The following TRIP12 variants were observed in gnomAD, a reference collection of about 807,000 sequenced individuals.
TRIP12 encodes E3 ubiquitin-protein ligase TRIP12.
Under a neutral mutation model 244.2 loss-of-function variants are expected in TRIP12, and 25 were observed. The observed-to-expected ratio is 0.10, with a 90% CI of 0.07 to 0.14. TRIP12 has a LOEUF of 0.14. TRIP12 is among the 10% of genes least tolerant of loss of function. The pLI, the probability that TRIP12 is intolerant of heterozygous loss-of-function variation, is 1.00. For missense variants in TRIP12, 1,677 were observed against 2,486.4 expected, an observed-to-expected ratio of 0.67 and a Z score of 6.92; for synonymous variants, 905 against 873.1, an observed-to-expected ratio of 1.04 and a Z score of -0.64.
At chr2:229,784,818 TG>T (rs1349476159) in intron 34 of TRIP12, among the ~76,000 whole-genome samples, 2 of 152,242 alleles carry the variant, frequency 1.3e-5, no homozygotes, top group African/African-American at 4.8e-5. Context: ...TATACGTTAC[TG>T]GTGGGAATGT....
rs2032109231 is a variant in TRIP12, at chr2:229,767,346, C to T, written c.*208G>A. On this transcript the variant is annotated 3_prime_UTR_variant, in exon 42 of 42. Coordinates refer to ENST00000675903, the MANE Select transcript of TRIP12 (RefSeq NM_001348323.3). Reference sequence around the variant, plus strand: ...AAACAAGAACTTGCTAAAGAAACCTCATCACAACAACGTTTTAGGGCCTGA... The same window carrying T: ...AAACAAGAACTTGCTAAAGAAACCTTATCACAACAACGTTTTAGGGCCTGA... The T allele has an allele frequency of 2.3e-5, 10 of 433,194 alleles. No homozygotes were observed. The highest frequency in any genetic ancestry group is 2.2e-4 in the Admixed American group (5 of 23,192). 26.8% of individuals were successfully genotyped at this position (433,194 alleles called of 1,614,324 possible). A position where few individuals can be genotyped will look rare whatever the true frequency, so the allele number is the denominator to read the frequency against.
At chr2:229,842,615 T>TA (rs967167282) in intron 4 of TRIP12, among the ~76,000 whole-genome samples, 8 of 152,026 alleles carry the variant, frequency 5.3e-5, no homozygotes, top group African/African-American at 1.7e-4. Flanking sequence ...ACAAAGCACT[T>TA]AAAAAAAACC....
rs1179839707 is a variant in TRIP12, at chr2:229,829,100, A to G, written c.1450+93T>C. The G allele has an allele frequency of 4.2e-6, 5 of 1,187,592 alleles. No homozygotes were observed. In the African/African-American group the frequency reaches 7.7e-5, roughly 18 times the overall value. The allele number at this position is 1,187,592 out of a possible 1,614,324, so 73.6% of individuals were successfully genotyped here. On this transcript the variant is annotated intron_variant, in intron 8 of 41. Coordinates refer to ENST00000675903, the MANE Select transcript of TRIP12 (RefSeq NM_001348323.3). The stretch of plus-strand genomic sequence containing the variant: ...TTTAAAAATGGGTTAAAGTTGATGA[A>G]AAACTTCTTAATACTTACATCAATA...
At chr2:229,837,162 T>G (rs1485911881) in intron 5 of TRIP12, among the ~76,000 whole-genome samples, 178 bp from the exon 6 acceptor site, 1 of 152,248 alleles carries the variant, frequency 6.6e-6, no homozygotes, top group Non-Finnish European at 1.5e-5. Context: ...ATATTTAAAA[T>G]TCTTCCAAGT....
chr2:229,921,925 G>C lies in TRIP12; in HGVS notation c.-95C>G, dbSNP rs1377983030. ...CCGGTCCGGACTCGGTGGCGCGGCA[G>C]TAACTTCCACTAGCTCCCCCCACCC... On this transcript the variant is annotated 5_prime_UTR_variant, in exon 1 of 42. Transcript: ENST00000675903. 2 of 150,842 alleles carry C rather than the reference G, an allele frequency of 1.3e-5. No homozygotes were observed. Among genetic ancestry groups the C allele is most frequent in the East Asian group, 2.0e-4 (1 of 5,026 alleles). The allele number at this position is 150,842 out of a possible 1,614,324, so 9.3% of individuals were successfully genotyped here.
chr2:229,830,639 G>A (rs1348150480), intron 7 of TRIP12, 117 bp downstream of exon 7: 10 of 968,608 alleles, frequency 1.0e-5, no homozygotes, highest in Admixed American at 8.1e-5. Context: ...TTTCTTGGAG[G>A]TGCAGGCACT....
intron 8 of TRIP12, among the ~76,000 whole-genome samples, chr2:229,827,794 A>G (rs1342098549): frequency 6.6e-5 from 10 of 152,224 alleles, no homozygotes; most frequent in South Asian, 2.1e-4. Flanking sequence ...AAAAATTCGT[A>G]AAGTTTCTTA....
At chr2:229,823,245 C>T (rs1057291663) in intron 8 of TRIP12, among the ~76,000 whole-genome samples, 2 of 152,168 alleles carry the variant, frequency 1.3e-5, no homozygotes, top group African/African-American at 4.8e-5. Context: ...AGGGCAAGCA[C>T]ATTAAGGGTC....
intron 34 of TRIP12, among the ~76,000 whole-genome samples, chr2:229,779,264 T>C (rs1190095653): frequency 1.3e-5 from 2 of 152,212 alleles, no homozygotes; most frequent in Non-Finnish European, 2.9e-5. Context: ...GCTACATATC[T>C]TTCCTTCAGG....
intron 1 of TRIP12, among the ~76,000 whole-genome samples, chr2:229,906,397 A>T (rs831372): frequency 0.56 from 84,178 of 150,810 alleles, 23,954 homozygotes; most frequent in East Asian, 0.7. Context: ...TGAAAAAAAA[A>T]AAATAAATAA....
At chr2:229,827,150 C>G (rs1031976276) in intron 8 of TRIP12, among the ~76,000 whole-genome samples, 20 of 151,732 alleles carry the variant, frequency 1.3e-4, no homozygotes, top group Non-Finnish European at 2.4e-4. Flanking sequence ...CGTGGTGGCA[C>G]GTGCCTGTAG....
intron 4 of TRIP12, among the ~76,000 whole-genome samples, chr2:229,856,565 C>A (rs2154333958): frequency 6.6e-6 from 1 of 152,334 alleles, no homozygotes; most frequent in Non-Finnish European, 1.5e-5. Flanking sequence ...GGCCCTAGAA[C>A]CCTCCTACAC....
chr2:229,855,016 C>T (rs1356270053), intron 4 of TRIP12, among the ~76,000 whole-genome samples: 2 of 152,198 alleles, frequency 1.3e-5, no homozygotes, highest in Admixed American at 1.3e-4. Flanking sequence ...GTAATCCCAG[C>T]ATTCTGGGAG....
intron 37 of TRIP12, among the ~76,000 whole-genome samples, 188 bp from the exon 38 acceptor site, chr2:229,774,449 T>C (rs2035575198): frequency 6.6e-6 from 1 of 152,192 alleles, no homozygotes; most frequent in South Asian, 2.1e-4. Context: ...ACAAAGGAAG[T>C]AAGCATAAGA....
intron 34 of TRIP12, among the ~76,000 whole-genome samples, chr2:229,783,849 G>GCCT (rs1244693973): frequency 6.7e-6 from 1 of 150,082 alleles, no homozygotes; most frequent in Non-Finnish European, 1.5e-5. Context: ...GGTGGCTCAT[G>GCCT]CCTGTAATCC....
At position 229,788,786 on chromosome 2, in the gene TRIP12, T is replaced by G; in HGVS notation, c.4838+12A>C. The G allele has an allele frequency of 6.2e-7, 1 of 1,610,548 alleles. No individual in the cohort carries two copies. Among genetic ancestry groups the G allele is most frequent in the Non-Finnish European group, 8.5e-7 (1 of 1,179,082 alleles). ...ATTTCCAAGGCCACCATTACAGAAG[T>G]GATTGTCTTACCAGGTTTTTCCTAG... is the stretch of plus-strand genomic sequence containing the variant. On this transcript the variant is annotated intron_variant, in intron 32 of 41. Coordinates refer to ENST00000675903, the MANE Select transcript of TRIP12 (RefSeq NM_001348323.3).
At chr2:229,879,877 T>G in intron 2 of TRIP12, 105 bp downstream of exon 2, 1 of 1,245,426 alleles carries the variant, frequency 8.0e-7, no homozygotes. Flanking sequence ...CAGGAAAAAT[T>G]ACCCATATGC....
intron 15 of TRIP12, among the ~76,000 whole-genome samples, chr2:229,809,512 C>CT (rs1172378864): frequency 3.9e-5 from 6 of 152,132 alleles, no homozygotes; most frequent in Non-Finnish European, 5.9e-5. Flanking sequence ...ATTTCCCAAA[C>CT]TAGTATTTAG....
intron 11 of TRIP12, among the ~76,000 whole-genome samples, chr2:229,814,779 C>T (rs1049905341): frequency 2.6e-5 from 4 of 152,182 alleles, no homozygotes; most frequent in African/African-American, 9.7e-5. Flanking sequence ...ATTCAACTTT[C>T]TCAGCTACAT....
Sources: allele counts gnomAD v4.1 joint callset (sites outside exome capture counted in the v4.1 genomes callset), GRCh38; gene constraint gnomAD v4.1.1; transcripts MANE v1.5; gene names NCBI Gene and HGNC (gene_info 2026-07-23, HGNC 2026-07-21).